PRSS48: variants seen among roughly 807,000 people sequenced by gnomAD.
PRSS48 encodes serine protease 48, also known as epidermis-specific serine protease-like protein.
A neutral mutation model predicts 25.6 loss-of-function variants in PRSS48; 21 were observed. The observed-to-expected ratio is 0.82, with a 90% CI of 0.58 to 1.18. The LOEUF is 1.18. Ranked by LOEUF, PRSS48 falls within the 50% of genes most tolerant of loss-of-function variation. PRSS48 has a pLI of 0.00. For synonymous variants in PRSS48, 150 were observed against 149.3 expected (o/e 1.00, Z -0.04); for missense variants, 373 against 399.3 (o/e 0.93, Z 0.56).
At chr4:151,277,396 G>GA (rs1374220094) in intron 1 of PRSS48, among the ~76,000 whole-genome samples, 172 bp downstream of exon 1, 1 of 152,074 alleles carries the variant, frequency 6.6e-6, no homozygotes, top group East Asian at 1.9e-4. Context: ...CTCCCGATTG[G>GA]AAATAGCAGT....
exon 4 of PRSS48, chr4:151,283,240 A>G (rs1279199247): frequency 6.2e-7 from 1 of 1,613,808 alleles, no homozygotes; most frequent in Non-Finnish European, 8.5e-7. Flanking sequence ...ATCAAGGAAG[A>G]CAAGATTTGT....
In PRSS48 at chr4:151,285,803, T is replaced by C. The variant is rs923365008; in HGVS notation, c.651+2517T>C. Among the ~76,000 whole-genome samples the C allele has an allele frequency of 6.6e-5, 10 of 151,920 alleles. No homozygotes were observed. In the South Asian group the frequency reaches 2.1e-3, roughly 32 times the overall value. ...GATCCCTTGAGCCCAGAAGTTCACA[T>C]ATGTAGTGAGCTATGATCACACCAC... On this transcript the variant is annotated intron_variant, in intron 4 of 4. Coordinates refer to ENST00000455694, the Ensembl canonical transcript of PRSS48.
downstream of PRSS48, chr4:151,291,473 T>C (rs1775333235): frequency 2.0e-6 from 3 of 1,470,450 alleles, no homozygotes; most frequent in African/African-American, 2.8e-5. Flanking sequence ...GAGCCACTGC[T>C]AACCCTGGGT....
chr4:151,279,371 AATG>A (rs1351844861), intron 1 of PRSS48, among the ~76,000 whole-genome samples: 1 of 152,170 alleles, frequency 6.6e-6, no homozygotes, highest in East Asian at 1.9e-4. Context: ...TTTTAAGTTA[AATG>A]ATATTCCATG....
At chr4:151,283,064 C>G in intron 3 of PRSS48, 53 bp from the exon 4 acceptor site, 2 of 1,554,428 alleles carry the variant, frequency 1.3e-6, no homozygotes, top group Non-Finnish European at 1.8e-6. Context: ...CTGAATGCTG[C>G]CCCTGCACTT....
intron 1 of PRSS48, 93 bp downstream of exon 1, chr4:151,277,317 TGTTA>T (rs1773726372): frequency 9.8e-7 from 1 of 1,017,302 alleles, no homozygotes; most frequent in African/African-American, 1.6e-5. Context: ...ACCCATGGGA[TGTTA>T]GTTATGAGTA....
intron 1 of PRSS48, among the ~76,000 whole-genome samples, chr4:151,277,868 C>G (rs1358782355): frequency 2.0e-5 from 3 of 152,078 alleles, no homozygotes; most frequent in African/African-American, 7.2e-5. Context: ...TGGTGAAACC[C>G]CATCTCTACA....
intron 4 of PRSS48, among the ~76,000 whole-genome samples, chr4:151,290,071 G>C (rs769814350): frequency 3.3e-5 from 5 of 152,156 alleles, no homozygotes; most frequent in Admixed American, 1.3e-4. Flanking sequence ...TCAGCTTCCC[G>C]AGTGGTTGGG....
exon 2 of PRSS48, chr4:151,279,923 G>A: frequency 6.2e-7 from 1 of 1,613,638 alleles, no homozygotes; most frequent in Non-Finnish European, 8.5e-7. Context: ...TCGTCAGTGA[G>A]AGGTTGATAC....
At chr4:151,281,931 G>C (rs1774273773) in intron 2 of PRSS48, among the ~76,000 whole-genome samples, 1 of 152,064 alleles carries the variant, frequency 6.6e-6, no homozygotes, top group African/African-American at 2.4e-5. Context: ...CAAGCCACAA[G>C]CCTCTAGGAA....
exon 2 of PRSS48, chr4:151,279,873 A>G: frequency 1.2e-6 from 2 of 1,613,846 alleles, no homozygotes; most frequent in Middle Eastern, 1.7e-4. Flanking sequence ...TTGGCAGGTC[A>G]GCCTACACTT....
intron 4 of PRSS48, among the ~76,000 whole-genome samples, chr4:151,284,571 G>A (rs969296025): frequency 6.6e-6 from 1 of 152,088 alleles, no homozygotes; most frequent in African/African-American, 2.4e-5. Flanking sequence ...AGTTATCTCA[G>A]GGATATTCTC....
In PRSS48 at chr4:151,279,266, CTA is replaced by C. The variant is rs199931476; in HGVS notation, c.53-526_53-525del. ...TTTTTTTTTTAGAGACCTGGTTTCA[CTA>C]TATTGCCCAGGCCTCAAGCAGTTCT... On this transcript the variant is annotated intron_variant, in intron 1 of 4. Coordinates refer to ENST00000455694, the Ensembl canonical transcript of PRSS48. 3.1e-3 allele frequency: 649 copies of C among 212,108 alleles called. 23 individuals are homozygous for C. In the East Asian group the frequency reaches 0.087, roughly 28 times the overall value. The allele number at this position is 212,108 out of a possible 1,614,324, so 13.1% of individuals were successfully genotyped here. A position where few individuals can be genotyped will look rare whatever the true frequency, so the allele number is the denominator to read the frequency against.
intron 4 of PRSS48, among the ~76,000 whole-genome samples, chr4:151,286,251 GGAAATTACT>G (rs1376038884): frequency 6.8e-6 from 1 of 146,932 alleles, no homozygotes; most frequent in African/African-American, 2.5e-5. Context: ...GGGATATAGT[GGAAATTACT>G]GAAATAGAGA....
exon 5 of PRSS48, chr4:151,291,346 G>A: frequency 2.5e-6 from 4 of 1,613,946 alleles, no homozygotes; most frequent in Non-Finnish European, 3.4e-6. Flanking sequence ...TCCCTCCTGT[G>A]CCTTTGGACC....
intron 4 of PRSS48, among the ~76,000 whole-genome samples, chr4:151,284,223 T>C (rs1489043214): frequency 6.6e-6 from 1 of 152,256 alleles, no homozygotes; most frequent in African/African-American, 2.4e-5. Flanking sequence ...TGTTAAGTTA[T>C]ACCTTTTGGT....
At chr4:151,277,211 G>C (rs770835248) in exon 1 of PRSS48, 8 of 1,503,412 alleles carry the variant, frequency 5.3e-6, no homozygotes, top group Middle Eastern at 1.8e-4. Context: ...TGCTCCTTCT[G>C]CTGGGGATCT....
chr4:151,291,359 A>G, exon 5 of PRSS48: 1 of 1,614,006 alleles, frequency 6.2e-7, no homozygotes, highest in Non-Finnish European at 8.5e-7. Flanking sequence ...TTTGGACCTA[A>G]CACTATACAC....
At chr4:151,283,032 C>A in intron 3 of PRSS48, 85 bp from the exon 4 acceptor site, 3 of 1,253,524 alleles carry the variant, frequency 2.4e-6, no homozygotes, top group Non-Finnish European at 3.4e-6. Context: ...GATTCCCATT[C>A]AGAGACTTCT....
Sources: gnomAD v4.1 joint callset for allele counts (sites outside exome capture counted in the v4.1 genomes callset) on GRCh38, gnomAD v4.1.1 for gene constraint, MANE v1.5 for transcripts, NCBI Gene and HGNC (gene_info 2026-07-23, HGNC 2026-07-21) for gene names.